FNDC3A: variants seen among roughly 807,000 people sequenced by gnomAD.
The protein encoded by FNDC3A is fibronectin type-III domain-containing protein 3A.
FNDC3A carries 32 observed loss-of-function variants against 148.9 expected under a neutral mutation model. That is an observed-to-expected ratio of 0.21 (90% CI 0.16 to 0.29). FNDC3A has a LOEUF of 0.29. Among genes scored for constraint, FNDC3A ranks in the 10% least tolerant of loss-of-function variants. FNDC3A has a pLI of 1.00. For missense variants in FNDC3A, 1,191 were observed against 1,452.8 expected, an observed-to-expected ratio of 0.82 and a Z score of 2.93; for synonymous variants, 472 against 473.6, an observed-to-expected ratio of 1.00 and a Z score of 0.04.
chr13:49,187,729 C>G (rs1431146609), intron 16 of FNDC3A: 1 of 1,191,652 alleles, frequency 8.4e-7, no homozygotes, highest in Non-Finnish European at 1.2e-6. Flanking sequence ...AATGGCGGCA[C>G]CTCACCAAGA....
At chr13:49,053,532 G>GA (rs1204091211) in intron 2 of FNDC3A, among the ~76,000 whole-genome samples, 1 of 152,152 alleles carries the variant, frequency 6.6e-6, no homozygotes, top group African/African-American at 2.4e-5. Flanking sequence ...CAGTACATGT[G>GA]AGGCATACAG....
At chr13:49,191,178 G>C (rs758604000) in intron 18 of FNDC3A, 31 bp from the exon 19 acceptor site, 1 of 1,605,514 alleles carries the variant, frequency 6.2e-7, no homozygotes, top group South Asian at 1.1e-5. Context: ...TATTCGTCTT[G>C]TTAAATTGCA....
At chr13:48,982,228 C>T (rs942945311) in intron 1 of FNDC3A, among the ~76,000 whole-genome samples, 2 of 151,748 alleles carry the variant, frequency 1.3e-5, no homozygotes, top group Admixed American at 6.6e-5. Flanking sequence ...TCATAATTTG[C>T]GATTTTATGT....
At chr13:49,081,117 C>T (rs368135147) in intron 3 of FNDC3A, among the ~76,000 whole-genome samples, 12 of 152,168 alleles carry the variant, frequency 7.9e-5, no homozygotes, top group African/African-American at 9.6e-5. Flanking sequence ...AGCTAAAAAC[C>T]CTCCTTATGA....
rs191783161 is a variant in FNDC3A at position 49,184,362 on chromosome 13, C to G, written c.1618-1602C>G. Among the ~76,000 whole-genome samples, 591 of 152,282 alleles carry G rather than the reference C, an allele frequency of 3.9e-3. 3 individuals are homozygous for G. The highest frequency in any genetic ancestry group is 6.7e-3 in the Non-Finnish European group (456 of 68,020). On this transcript the variant is annotated intron_variant, in intron 14 of 25. Transcript: ENST00000492622. ...TGGGGGTCAAGGGCAAGAATGTACACTGGGAAACTAGCTAGTGGTATAATT... is the reference window on the plus strand; with the variant it reads ...TGGGGGTCAAGGGCAAGAATGTACAGTGGGAAACTAGCTAGTGGTATAATT...
Position 49,114,732 on chromosome 13 carries a change from G to A in FNDC3A, c.252+1G>A. Reference sequence around the variant, plus strand: ...TGTGCCTCCTGGATATGCCCCACAGGTATGTTTTTATGCTATTTTTCTTTT... The same window carrying A: ...TGTGCCTCCTGGATATGCCCCACAGATATGTTTTTATGCTATTTTTCTTTT... On this transcript the variant is annotated splice_donor_variant, in intron 4 of 25. Coordinates refer to ENST00000492622, the MANE Select transcript of FNDC3A (RefSeq NM_001079673.2). LOFTEE classifies it high-confidence loss of function. 1.9e-6 allele frequency: 3 copies of A among 1,592,918 alleles called. No homozygotes were observed. Among genetic ancestry groups the A allele is most frequent in the Non-Finnish European group, 2.6e-6 (3 of 1,160,910 alleles).
intron 4 of FNDC3A, among the ~76,000 whole-genome samples, chr13:49,118,206 G>T (rs558938803): frequency 6.6e-6 from 1 of 152,148 alleles, no homozygotes; most frequent in Non-Finnish European, 1.5e-5. Context: ...CACAGAGGGC[G>T]AGCTGAAGCA....
rs375061006 is a variant in FNDC3A, at chr13:49,158,792, T to G, written c.978-8452T>G. Among the ~76,000 whole-genome samples, 3 of 152,354 alleles carry G rather than the reference T, an allele frequency of 2.0e-5. No individual in the cohort carries two copies. The East Asian group carries it at 5.8e-4, about 29-fold the overall frequency. ...TCTTTAATCCATCTTGAATTAATTT[T>G]TGTATAAGGTGTAAGGAAGGGATCC... On this transcript the variant is annotated intron_variant, in intron 8 of 25. Coordinates refer to ENST00000492622, the MANE Select transcript of FNDC3A (RefSeq NM_001079673.2).
intron 2 of FNDC3A, among the ~76,000 whole-genome samples, chr13:49,070,881 C>CTTTTTTTTTTTTTTTTTTT (rs758290861): frequency 4.1e-4 from 50 of 120,908 alleles, no homozygotes; most frequent in East Asian, 1.1e-3. Context: ...AACAGGATTT[C>CTTTTTTTTTTTTTTTTTTT]TTTTTTTTTT....
At chr13:49,011,796 C>CA (rs1328499464) in intron 2 of FNDC3A, among the ~76,000 whole-genome samples, 7 of 151,262 alleles carry the variant, frequency 4.6e-5, no homozygotes, top group South Asian at 2.1e-4. Context: ...GACCGTGTCT[C>CA]AAAAAAAATG....
intron 2 of FNDC3A, among the ~76,000 whole-genome samples, chr13:49,013,476 G>A (rs1345637767): frequency 2.7e-5 from 4 of 149,968 alleles, no homozygotes; most frequent in African/African-American, 9.7e-5. Flanking sequence ...ATATGTACAC[G>A]TGTATACATG....
intron 4 of FNDC3A, among the ~76,000 whole-genome samples, chr13:49,120,495 A>G (rs905888700): frequency 6.6e-6 from 1 of 152,212 alleles, no homozygotes; most frequent in African/African-American, 2.4e-5. Context: ...TAACAGTATT[A>G]ATCTTAAATG....
chr13:49,113,871 GCTT>G (rs1396200531), intron 3 of FNDC3A, among the ~76,000 whole-genome samples: 6 of 152,172 alleles, frequency 3.9e-5, no homozygotes, highest in African/African-American at 1.4e-4. Flanking sequence ...TTCTCCAAAT[GCTT>G]CTTTTGTTCC....
chr13:49,204,919 TA>T (rs1374692781), intron 25 of FNDC3A, among the ~76,000 whole-genome samples: 3 of 152,220 alleles, frequency 2.0e-5, no homozygotes, highest in Non-Finnish European at 4.4e-5. Flanking sequence ...TAGACACCAA[TA>T]TCATCTTGGT....
Position 49,188,588 on chromosome 13 carries a change from C to A in FNDC3A, c.1899C>A (p.Phe633Leu). 6.2e-7 allele frequency: 1 copy of A among 1,613,840 alleles called. No homozygotes were observed. The highest frequency in any genetic ancestry group is 1.1e-5 in the South Asian group (1 of 91,068). ...HLCDRLNPGCFYRLRVYCISD... is the reference protein window; with the variant it reads ...HLCDRLNPGCLYRLRVYCISD... ...GTGATCGACTGAATCCAGGCTGTTT[C>A]TATCGTTTACGAGTTTACTGCATCA... The change falls in exon 17 of 26, where the codon TTC becomes TTA. Residue 633 changes from phenylalanine (F) to leucine (L), a missense_variant. Transcript: ENST00000492622.
chr13:49,132,406 A>G (rs1385882159), intron 5 of FNDC3A, among the ~76,000 whole-genome samples: 2 of 152,200 alleles, frequency 1.3e-5, no homozygotes, highest in East Asian at 1.9e-4. Flanking sequence ...ACATGCCACT[A>G]TTGATGTTTT....
At chr13:49,059,072 A>AT (rs1430570942) in intron 2 of FNDC3A, among the ~76,000 whole-genome samples, 1 of 152,236 alleles carries the variant, frequency 6.6e-6, no homozygotes, top group Non-Finnish European at 1.5e-5. Flanking sequence ...AAAATGTTAG[A>AT]TACATGTTAG....
intron 3 of FNDC3A, among the ~76,000 whole-genome samples, chr13:49,108,543 T>C (rs1039044895): frequency 2.0e-5 from 3 of 152,142 alleles, no homozygotes; most frequent in African/African-American, 7.2e-5. Context: ...GTAAAAAGGT[T>C]GAGGATATAG....
At chr13:49,119,424 A>G (rs997024702) in intron 4 of FNDC3A, among the ~76,000 whole-genome samples, 1 of 151,896 alleles carries the variant, frequency 6.6e-6, no homozygotes, top group African/African-American at 2.4e-5. Context: ...GAAAATTCCA[A>G]AAGCCTCCTG....
Sources: allele counts gnomAD v4.1 joint callset (sites outside exome capture counted in the v4.1 genomes callset), GRCh38; gene constraint gnomAD v4.1.1; transcripts MANE v1.5; gene names NCBI Gene and HGNC (gene_info 2026-07-23, HGNC 2026-07-21).